The following SSBP2 variants were observed in gnomAD, a reference collection of about 807,000 sequenced individuals.
SSBP2 encodes the protein single stranded DNA binding protein 2, also known as single-stranded DNA-binding protein 2.
SSBP2 carries 17 observed loss-of-function variants against 61.8 expected under a neutral mutation model. That is an observed-to-expected ratio of 0.28 (90% CI 0.19 to 0.41). The LOEUF (loss-of-function observed/expected upper bound fraction) is 0.41, where lower values mean the gene tolerates loss of function less well. Among genes scored for constraint, SSBP2 ranks in the 10% least tolerant of loss-of-function variants. SSBP2 has a pLI of 1.00. For missense variants in SSBP2, 310 were observed against 458.7 expected, an observed-to-expected ratio of 0.68 and a Z score of 2.96; for synonymous variants, 139 against 141.3, an observed-to-expected ratio of 0.98 and a Z score of 0.12.
chr5:81,587,745 ACGCACACACACGCGCG>A (rs1272636260), intron 4 of SSBP2, among the ~76,000 whole-genome samples: 2 of 129,556 alleles, frequency 1.5e-5, no homozygotes, highest in African/African-American at 5.7e-5. Context: ...ATACACACAC[ACGCACACACACGCGCG>A]CGCACACACA....
chr5:81,447,174 A>G (rs1290674581), intron 11 of SSBP2, among the ~76,000 whole-genome samples: 1 of 152,244 alleles, frequency 6.6e-6, no homozygotes, highest in Admixed American at 6.5e-5. Context: ...TGACTTAATC[A>G]TATCAGTTAT....
rs769984781 is a variant in SSBP2, at chr5:81,417,188, T to G, written c.*3316A>C. 1 of 152,250 alleles carries G rather than the reference T, an allele frequency of 6.6e-6. No individual in the cohort carries two copies. The highest frequency in any genetic ancestry group is 1.5e-5 in the Non-Finnish European group (1 of 68,072). 9.4% of individuals were successfully genotyped at this position (152,250 alleles called of 1,614,324 possible). A position where few individuals can be genotyped will look rare whatever the true frequency, so the allele number is the denominator to read the frequency against. ...TTGAGAAATCTTAACTTCGGATTCCTAGCTGTGAACTTCCTCTTTATCAGC... is the reference window on the plus strand; with the variant it reads ...TTGAGAAATCTTAACTTCGGATTCCGAGCTGTGAACTTCCTCTTTATCAGC... On this transcript the variant is annotated 3_prime_UTR_variant, in exon 17 of 17. Transcript: ENST00000320672.
chr5:81,736,516 G>C (rs977920004), intron 1 of SSBP2, among the ~76,000 whole-genome samples: 1 of 152,102 alleles, frequency 6.6e-6, no homozygotes, highest in Non-Finnish European at 1.5e-5. Flanking sequence ...TTTTGGTCAA[G>C]TGGCTTTGAT....
intron 4 of SSBP2, among the ~76,000 whole-genome samples, chr5:81,548,838 C>T (rs906461507): frequency 6.6e-6 from 1 of 152,114 alleles, no homozygotes; most frequent in Non-Finnish European, 1.5e-5. Context: ...AGAAGACTGG[C>T]GTGAACCCAG....
intron 1 of SSBP2, among the ~76,000 whole-genome samples, chr5:81,666,782 T>C (rs1457197931): frequency 6.6e-6 from 1 of 152,190 alleles, no homozygotes; most frequent in Admixed American, 6.5e-5. Flanking sequence ...CCACTTTCTA[T>C]GGAATCTTGA....
At position 81,501,260 on chromosome 5, in the gene SSBP2, TATATATATACACAC is replaced by T. The variant is rs1561475291; in HGVS notation, c.373-11965_373-11952del. ...ATATATATATATATATATATATATA[TATATATATACACAC>T]ACACACACATGCACATACACCCACA... On this transcript the variant is annotated intron_variant, in intron 5 of 16. Transcript: ENST00000320672. Among the ~76,000 whole-genome samples, 2 of 49,010 alleles carry T rather than the reference TATATATATACACAC, an allele frequency of 4.1e-5. 1 individual carries two copies. The highest frequency in any genetic ancestry group is 7.2e-5 in the Non-Finnish European group (2 of 27,644). 32.2% of individuals were successfully genotyped at this position (49,010 alleles called of 152,430 possible). A position where few individuals can be genotyped will look rare whatever the true frequency, so the allele number is the denominator to read the frequency against.
chr5:81,686,639 G>A (rs1259852419), intron 1 of SSBP2, among the ~76,000 whole-genome samples: 4 of 151,712 alleles, frequency 2.6e-5, no homozygotes, highest in African/African-American at 7.3e-5. Flanking sequence ...GGCAGATCAC[G>A]AGGTCAGGAG....
intron 1 of SSBP2, among the ~76,000 whole-genome samples, chr5:81,743,348 G>A (rs1008532402): frequency 3.9e-5 from 6 of 152,048 alleles, no homozygotes; most frequent in Non-Finnish European, 7.4e-5. Context: ...TCAGTTCTCC[G>A]TTGAAATGTC....
intron 1 of SSBP2, among the ~76,000 whole-genome samples, chr5:81,745,004 T>A (rs1390330265): frequency 6.6e-6 from 1 of 152,128 alleles, no homozygotes; most frequent in Admixed American, 6.5e-5. Context: ...CCTATAATTA[T>A]AAGAAAAACA....
intron 9 of SSBP2, among the ~76,000 whole-genome samples, chr5:81,463,209 A>C (rs1197587315): frequency 6.6e-6 from 1 of 152,150 alleles, no homozygotes; most frequent in Non-Finnish European, 1.5e-5. Context: ...AAGTTTCACA[A>C]GTATTTTATA....
intron 4 of SSBP2, among the ~76,000 whole-genome samples, chr5:81,560,819 TAA>T (rs1772986078): frequency 6.6e-6 from 1 of 152,206 alleles, no homozygotes; most frequent in Non-Finnish European, 1.5e-5. Context: ...GGTATAGATT[TAA>T]TAACATATGA....
At chr5:81,591,225 G>A (rs1775476366) in intron 4 of SSBP2, among the ~76,000 whole-genome samples, 1 of 152,116 alleles carries the variant, frequency 6.6e-6, no homozygotes, top group Non-Finnish European at 1.5e-5. Flanking sequence ...ACTGATATCA[G>A]AGCACAAACA....
intron 1 of SSBP2, among the ~76,000 whole-genome samples, chr5:81,730,077 T>A (rs1756152851): frequency 6.6e-6 from 1 of 152,118 alleles, no homozygotes; most frequent in South Asian, 2.1e-4. Flanking sequence ...AAGGAAAAGA[T>A]CAGATTTTAC....
intron 4 of SSBP2, among the ~76,000 whole-genome samples, chr5:81,614,543 T>C (rs1267545503): frequency 6.6e-6 from 1 of 152,096 alleles, no homozygotes; most frequent in East Asian, 1.9e-4. Flanking sequence ...TTTTTTCCCT[T>C]TTGAGCGCTG....
At chr5:81,434,633 C>CAAAAAAAAAAAAAAAAAAAA (rs34269591) in intron 15 of SSBP2, among the ~76,000 whole-genome samples, 14 of 43,020 alleles carry the variant, frequency 3.3e-4, no homozygotes, top group African/African-American at 4.7e-4. Context: ...ACTCTTGACT[C>CAAAAAAAAAAAAAAAAAAAA]AAAAAAAAAA....
At chr5:81,443,836 A>G (rs936760811) in intron 12 of SSBP2, among the ~76,000 whole-genome samples, 4 of 152,242 alleles carry the variant, frequency 2.6e-5, no homozygotes, top group African/African-American at 9.6e-5. Flanking sequence ...TGCTGGGATT[A>G]CAGGCGTGAG....
At chr5:81,704,560 G>A (rs1214326890) in intron 1 of SSBP2, among the ~76,000 whole-genome samples, 2 of 152,112 alleles carry the variant, frequency 1.3e-5, no homozygotes, top group Non-Finnish European at 2.9e-5. Context: ...CACTTTGGGA[G>A]GCCAAGGCAG....
chr5:81,582,503 T>C, intron 4 of SSBP2, among the ~76,000 whole-genome samples: 1 of 152,342 alleles, frequency 6.6e-6, no homozygotes. Flanking sequence ...TTTTCATTTA[T>C]AGAAGATATA....
intron 1 of SSBP2, among the ~76,000 whole-genome samples, chr5:81,715,040 A>C (rs539913295): frequency 3.0e-4 from 46 of 152,298 alleles, no homozygotes; most frequent in African/African-American, 1.1e-3. Flanking sequence ...AAATAGAAAG[A>C]TGTGGAAAAT....
Sources: gnomAD v4.1 joint callset for allele counts (sites outside exome capture counted in the v4.1 genomes callset) on GRCh38, gnomAD v4.1.1 for gene constraint, MANE v1.5 for transcripts, NCBI Gene and HGNC (gene_info 2026-07-23, HGNC 2026-07-21) for gene names.